Variants in BCAT1 observed in about 807,000 individuals in gnomAD.
BCAT1 encodes the protein branched-chain-amino-acid aminotransferase, cytosolic.
BCAT1 carries 48 observed loss-of-function variants against 52.4 expected under a neutral mutation model. That is an observed-to-expected ratio of 0.92 (90% confidence interval 0.73 to 1.16). The LOEUF is 1.16. Among genes scored for constraint, BCAT1 ranks in the 50% most tolerant of loss-of-function variants. The pLI is 0.00. For synonymous variants in BCAT1, 167 were observed against 161.3 expected (o/e 1.04, Z -0.27); for missense variants, 451 against 457.1 (o/e 0.99, Z 0.12).
intron 5 of BCAT1, among the ~76,000 whole-genome samples, chr12:24,866,636 T>G (rs930357064): frequency 5.3e-5 from 8 of 152,176 alleles, no homozygotes; most frequent in African/African-American, 1.9e-4. Flanking sequence ...GCGCTCTGTA[T>G]CTAGCTCAAG....
At chr12:24,917,195 C>CTTTTTTTTTTTT (rs60491814) in intron 1 of BCAT1, among the ~76,000 whole-genome samples, 3 of 103,556 alleles carry the variant, frequency 2.9e-5, no homozygotes, top group African/African-American at 4.0e-5. Flanking sequence ...GAGCTTTGGA[C>CTTTTTTTTTTTT]TTTTTTTTTT....
chr12:24,855,916 C>G (rs1445709328), intron 5 of BCAT1, among the ~76,000 whole-genome samples: 2 of 152,132 alleles, frequency 1.3e-5, no homozygotes, highest in Non-Finnish European at 1.5e-5. Flanking sequence ...GCATGAGCCA[C>G]CACACCTGGC....
At chr12:24,832,694 G>C in intron 9 of BCAT1, 29 bp downstream of exon 9, 2 of 1,575,006 alleles carry the variant, frequency 1.3e-6, no homozygotes, top group African/African-American at 1.4e-5. Context: ...GATTGGAAAT[G>C]ATAGGAAATG....
rs1939649295 is a variant in BCAT1 at position 24,810,573 on chromosome 12, T to C, written c.*7435A>G. 6.6e-6 allele frequency: 1 copy of C among 152,114 alleles called. No homozygotes were observed. Among genetic ancestry groups the C allele is most frequent in the Non-Finnish European group, 1.5e-5 (1 of 68,020 alleles). The allele number at this position is 152,114 out of a possible 1,614,324, so 9.4% of individuals were successfully genotyped here. ...TCTCTCTTTCTCACGCTTGTGGGAA[T>C]TGAGCGTTGACACTGTAAGAACACT... On this transcript the variant is annotated 3_prime_UTR_variant, in exon 11 of 11. Coordinates refer to ENST00000261192, the MANE Select transcript of BCAT1 (RefSeq NM_005504.7).
intron 6 of BCAT1, among the ~76,000 whole-genome samples, chr12:24,844,669 G>A (rs887890624): frequency 6.8e-6 from 1 of 147,816 alleles, no homozygotes; most frequent in African/African-American, 2.5e-5. Flanking sequence ...GAGGCGAGAC[G>A]GCCGGATCAT....
At chr12:24,911,087 G>A (rs1005893207) in intron 1 of BCAT1, among the ~76,000 whole-genome samples, 11 of 150,894 alleles carry the variant, frequency 7.3e-5, no homozygotes, top group African/African-American at 2.4e-4. Context: ...TGGTGACAGA[G>A]TGAGACTGTC....
At chr12:24,861,500 T>G (rs980642330) in intron 5 of BCAT1, among the ~76,000 whole-genome samples, 3 of 152,234 alleles carry the variant, frequency 2.0e-5, no homozygotes, top group African/African-American at 7.2e-5. Context: ...TTGTGAGAAC[T>G]CGGGAGTTAG....
Position 24,934,332 on chromosome 12 carries a change from T to C in BCAT1, c.6+14595A>G, listed in dbSNP as rs539251012. 2.0e-4 allele frequency among the ~76,000 whole-genome samples: 30 copies of C among 152,316 alleles called. No homozygotes were observed. In the South Asian group the frequency reaches 4.4e-3, roughly 22 times the overall value. Reference sequence around the variant, plus strand: ...AAGTTTCCTGAGGCCTTTCTGGCCATGATGAACTGTAATTCAGTTAAACCT... The same window carrying C: ...AAGTTTCCTGAGGCCTTTCTGGCCACGATGAACTGTAATTCAGTTAAACCT... On this transcript the variant is annotated intron_variant, in intron 1 of 10. Transcript: ENST00000261192.
At chr12:24,853,883 TA>T (rs201791276) in intron 5 of BCAT1, among the ~76,000 whole-genome samples, 20 of 151,414 alleles carry the variant, frequency 1.3e-4, no homozygotes, top group East Asian at 3.9e-4. Flanking sequence ...AAAGGGGCTT[TA>T]AAAAAAAACA....
intron 3 of BCAT1, among the ~76,000 whole-genome samples, chr12:24,885,016 A>C (rs1341516599): frequency 1.3e-5 from 2 of 152,220 alleles, no homozygotes; most frequent in African/African-American, 4.8e-5. Context: ...AGCTTTCCTT[A>C]TCAAATTGGG....
chr12:24,833,838 T>C (rs1196224949), intron 8 of BCAT1: 1 of 150,864 alleles, frequency 6.6e-6, no homozygotes, highest in African/African-American at 2.4e-5. Flanking sequence ...TTTTTTTTTT[T>C]AAGACAGGGT....
intron 10 of BCAT1, among the ~76,000 whole-genome samples, chr12:24,824,620 A>G (rs751053546): frequency 4.6e-5 from 7 of 152,172 alleles, no homozygotes; most frequent in Non-Finnish European, 1.0e-4. Context: ...ATTTCATACA[A>G]TCTCCAAGAG....
At chr12:24,935,728 C>G (rs146442553) in intron 1 of BCAT1, among the ~76,000 whole-genome samples, 86 of 152,298 alleles carry the variant, frequency 5.6e-4, no homozygotes, top group African/African-American at 2.0e-3. Flanking sequence ...ACCTTCAATA[C>G]TTTACTTGGA....
At chr12:24,894,590 AAC>A (rs1942918498) in intron 2 of BCAT1, 115 bp from the exon 3 acceptor site, 3 of 894,640 alleles carry the variant, frequency 3.4e-6, no homozygotes, top group South Asian at 3.6e-5. Context: ...GTTAGCAGCT[AAC>A]ACAGAAATTT....
intron 3 of BCAT1, among the ~76,000 whole-genome samples, chr12:24,882,691 T>G (rs2139605189): frequency 6.6e-6 from 1 of 150,544 alleles, no homozygotes; most frequent in Admixed American, 6.6e-5. Context: ...CTCTACCCCC[T>G]GGGTTCAAGC....
chr12:24,907,070 T>C (rs1375518761), intron 1 of BCAT1, among the ~76,000 whole-genome samples: 2 of 152,238 alleles, frequency 1.3e-5, no homozygotes, highest in African/African-American at 4.8e-5. Context: ...CTTCTGCCTC[T>C]GACTCTCCAG....
intron 1 of BCAT1, among the ~76,000 whole-genome samples, chr12:24,936,178 C>T (rs1344652763): frequency 6.6e-6 from 1 of 152,190 alleles, no homozygotes; most frequent in Non-Finnish European, 1.5e-5. Context: ...AATCTGTATT[C>T]GTGTACTACT....
intron 9 of BCAT1, among the ~76,000 whole-genome samples, chr12:24,832,509 G>A (rs766802215): frequency 6.6e-6 from 1 of 152,138 alleles, no homozygotes; most frequent in Non-Finnish European, 1.5e-5. Context: ...GTTTGAGGCT[G>A]CAGTGAGCTA....
chr12:24,839,328 C>T (rs929140374), intron 7 of BCAT1, among the ~76,000 whole-genome samples: 6 of 152,106 alleles, frequency 3.9e-5, no homozygotes, highest in South Asian at 4.1e-4. Flanking sequence ...AAGTCGAGTC[C>T]GTATACACGC....
Sources: gnomAD v4.1 joint callset for allele counts (sites outside exome capture counted in the v4.1 genomes callset) on GRCh38, gnomAD v4.1.1 for gene constraint, MANE v1.5 for transcripts, NCBI Gene and HGNC (gene_info 2026-07-23, HGNC 2026-07-21) for gene names.